PROS1: variants seen among roughly 807,000 people sequenced by gnomAD.
PROS1 encodes the protein vitamin K-dependent protein S.
Under a neutral mutation model 75.9 loss-of-function variants are expected in PROS1, and 29 were observed. That is an observed-to-expected ratio of 0.38 (90% CI 0.28 to 0.52). The LOEUF (loss-of-function observed/expected upper bound fraction) is 0.52, where lower values mean the gene tolerates loss of function less well. Among genes scored for constraint, PROS1 ranks in the 20% least tolerant of loss-of-function variants. PROS1 has a pLI of 0.83. For missense variants in PROS1, 680 were observed against 810.3 expected (o/e 0.84, Z 1.95); for synonymous variants, 245 against 280.6 (o/e 0.87, Z 1.27).
intron 3 of PROS1, among the ~76,000 whole-genome samples, chr3:93,922,069 C>T (rs767537514): frequency 6.6e-6 from 1 of 152,156 alleles, no homozygotes; most frequent in Non-Finnish European, 1.5e-5. Flanking sequence ...GCAGGTCAGG[C>T]CAGCTTTTCG....
At chr3:93,877,328 G>A in intron 13 of PROS1, 137 bp from the exon 14 acceptor site, 1 of 584,584 alleles carries the variant, frequency 1.7e-6, no homozygotes. Context: ...CTAAATTTAA[G>A]GGAAAAATCA....
At chr3:93,897,424 CA>C (rs1373790969) in intron 8 of PROS1, among the ~76,000 whole-genome samples, 4 of 151,974 alleles carry the variant, frequency 2.6e-5, no homozygotes, top group African/African-American at 9.7e-5. Context: ...CCAGAAATAA[CA>C]TTTTATTTCC....
chr3:93,873,273 G>C lies in PROS1; in HGVS notation c.*972C>G, dbSNP rs538178021. On this transcript the variant is annotated 3_prime_UTR_variant, in exon 15 of 15. Coordinates refer to ENST00000394236, the MANE Select transcript of PROS1 (RefSeq NM_000313.4). ...AATGCATCACAGTACCAGCAGGCAC[G>C]TGGCAATCTTACCTCCTTACTTCTT... 1 of 152,180 alleles carries C rather than the reference G, an allele frequency of 6.6e-6. No individual in the cohort carries two copies. Among genetic ancestry groups the C allele is most frequent in the African/African-American group, 2.4e-5 (1 of 41,448 alleles). 9.4% of individuals were successfully genotyped at this position (152,180 alleles called of 1,614,324 possible). A position where few individuals can be genotyped will look rare whatever the true frequency, so the allele number is the denominator to read the frequency against.
At chr3:93,965,113 G>A (rs556245854) in intron 1 of PROS1, among the ~76,000 whole-genome samples, 1 of 152,290 alleles carries the variant, frequency 6.6e-6, no homozygotes, top group East Asian at 1.9e-4. Context: ...CAAGGATCGG[G>A]ATAAAAACCC....
At chr3:93,933,838 GTC>G (rs1045801524) in intron 1 of PROS1, among the ~76,000 whole-genome samples, 2 of 151,590 alleles carry the variant, frequency 1.3e-5, no homozygotes, top group African/African-American at 2.4e-5. Context: ...GTGAAACCCC[GTC>G]TCTACTAAAA....
At chr3:93,890,998 G>C (rs1002851664) in intron 10 of PROS1, among the ~76,000 whole-genome samples, 3 of 152,060 alleles carry the variant, frequency 2.0e-5, no homozygotes, top group African/African-American at 4.8e-5. Context: ...CCAGCTACTC[G>C]AGAGGCTGAG....
Position 93,883,822 on chromosome 3 carries a change from C to A in PROS1, c.1492+906G>T, listed in dbSNP as rs375562111. Among the ~76,000 whole-genome samples, 5 of 151,912 alleles carry A rather than the reference C, an allele frequency of 3.3e-5. No homozygotes were observed. The South Asian group carries it at 6.3e-4, about 19-fold the overall frequency. ...AAAATTAGCCGGGCGTGGTGGCGGG[C>A]GCCTGTAGTTCTAGCTACTCAGGAG... On this transcript the variant is annotated intron_variant, in intron 12 of 14. Coordinates refer to ENST00000394236, the MANE Select transcript of PROS1 (RefSeq NM_000313.4).
chr3:93,893,152 G>A, intron 9 of PROS1, 30 bp from the exon 10 acceptor site: 1 of 1,574,622 alleles, frequency 6.4e-7, no homozygotes, highest in Non-Finnish European at 8.7e-7. Context: ...AGATCCTTAA[G>A]AGTAAGAAAT....
chr3:93,905,975 G>A, intron 5 of PROS1, 46 bp downstream of exon 5: 1 of 1,613,664 alleles, frequency 6.2e-7, no homozygotes, highest in Admixed American at 1.7e-5. Flanking sequence ...GAACTTTTCA[G>A]GAGACCAATC....
At chr3:93,886,244 ACTT>A in intron 11 of PROS1, 89 bp downstream of exon 11, 1 of 1,207,536 alleles carries the variant, frequency 8.3e-7, no homozygotes, top group Non-Finnish European at 1.2e-6. Context: ...TAACAAAACA[ACTT>A]CTATTGATTC....
intron 4 of PROS1, among the ~76,000 whole-genome samples, chr3:93,908,171 A>G (rs1313740843): frequency 6.6e-6 from 1 of 152,184 alleles, no homozygotes; most frequent in African/African-American, 2.4e-5. Context: ...TTCAATTTGG[A>G]CTAAGATGAT....
intron 4 of PROS1, among the ~76,000 whole-genome samples, chr3:93,910,404 A>C (rs1021498452): frequency 1.3e-5 from 2 of 152,214 alleles, no homozygotes; most frequent in Non-Finnish European, 2.9e-5. Context: ...TGTTCAGTTT[A>C]AACATTAGGC....
chr3:93,964,485 C>A (rs2107265291), intron 1 of PROS1, among the ~76,000 whole-genome samples: 1 of 152,248 alleles, frequency 6.6e-6, no homozygotes, highest in Middle Eastern at 3.4e-3. Context: ...TACCCTCAGG[C>A]TTACTAGGGT....
intron 3 of PROS1, among the ~76,000 whole-genome samples, chr3:93,919,264 G>A (rs1299184782): frequency 1.3e-5 from 2 of 152,144 alleles, no homozygotes; most frequent in African/African-American, 4.8e-5. Flanking sequence ...CTCACCAGTG[G>A]AGTATAAGGA....
chr3:93,923,341 A>G lies in PROS1; in HGVS notation c.259+899T>C, dbSNP rs537284080. The stretch of plus-strand genomic sequence containing the variant: ...ATCAAAGGAATGTATCCTCTACAGT[A>G]TTGTGCGTGCAAAAATGCAGCCTCA... On this transcript the variant is annotated intron_variant, in intron 3 of 14. Transcript: ENST00000394236. Among the ~76,000 whole-genome samples, 7 of 152,328 alleles carry G rather than the reference A, an allele frequency of 4.6e-5. No individual in the cohort carries two copies. In the South Asian group the frequency reaches 8.3e-4, roughly 18 times the overall value.
chr3:93,948,573 G>A (rs1709442727), intron 1 of PROS1, among the ~76,000 whole-genome samples: 1 of 152,102 alleles, frequency 6.6e-6, no homozygotes, highest in Non-Finnish European at 1.5e-5. Flanking sequence ...ATAAACATAT[G>A]ATGTAATTTC....
Position 93,955,695 on chromosome 3 carries a change from T to C in PROS1, c.76+17979A>G, listed in dbSNP as rs1709587498. ...ACATATGTAACAAACCTGCACGTTG[T>C]GTACATGTACCCTAGAACTTAAAGT... On this transcript the variant is annotated intron_variant, in intron 1 of 14. Coordinates refer to ENST00000394236, the MANE Select transcript of PROS1 (RefSeq NM_000313.4). Among the ~76,000 whole-genome samples the C allele has an allele frequency of 2.0e-5, 3 of 151,528 alleles. No individual in the cohort carries two copies. In the South Asian group the frequency reaches 6.3e-4, roughly 32 times the overall value.
At chr3:93,971,163 G>A (rs1389153305) in intron 1 of PROS1, among the ~76,000 whole-genome samples, 1 of 151,182 alleles carries the variant, frequency 6.6e-6, no homozygotes, top group Non-Finnish European at 1.5e-5. Context: ...CCAACATAGT[G>A]AAACCCTGTC....
intron 3 of PROS1, among the ~76,000 whole-genome samples, chr3:93,917,690 C>T (rs773512246): frequency 2.5e-4 from 38 of 152,246 alleles, no homozygotes; most frequent in South Asian, 8.3e-4. Context: ...AGCAGCCGGC[C>T]GGCCCTGCCA....
Sources: allele counts gnomAD v4.1 joint callset (sites outside exome capture counted in the v4.1 genomes callset), GRCh38; gene constraint gnomAD v4.1.1; transcripts MANE v1.5; gene names NCBI Gene and HGNC (gene_info 2026-07-23, HGNC 2026-07-21).